ZGRF1: variants seen among roughly 807,000 people sequenced by gnomAD.
ZGRF1 encodes zinc finger GRF-type containing 1, also known as 5'-3' DNA helicase ZGRF1.
In ZGRF1, 196 loss-of-function variants were observed where a neutral mutation model predicts 203.5. That is an observed-to-expected ratio of 0.96 (90% CI 0.86 to 1.08). The LOEUF (loss-of-function observed/expected upper bound fraction) is 1.08. Ranked by LOEUF, ZGRF1 falls within the 50% of genes least tolerant of loss-of-function variation. The pLI is 0.00. For missense variants in ZGRF1, 2,326 were observed against 2,416.3 expected, an observed-to-expected ratio of 0.96 and a Z score of 0.78; for synonymous variants, 809 against 841.3, an observed-to-expected ratio of 0.96 and a Z score of 0.66.
Position 112,620,184 on chromosome 4 carries a change from G to A in ZGRF1, c.169C>T (p.Pro57Ser). The A allele has an allele frequency of 6.3e-7, 1 of 1,594,880 alleles. No homozygotes were observed. Among genetic ancestry groups the A allele is most frequent in the Non-Finnish European group, 8.5e-7 (1 of 1,173,680 alleles). Residue 57 changes from proline to serine, a missense_variant, in exon 5 of 28, where the codon CCT (proline) becomes TCT (serine). Physicochemically the swap from Pro to Ser is moderately conservative, Grantham distance 74. Transcript: ENST00000505019. ...SLFLKCLEVK[P>S]GDDLESDRYL... ...CGATCACTTTCTAAGTCATCTCCAG[G>A]TTTCACCTGAAAGAATAAATGTCAA... is the stretch of plus-strand genomic sequence containing the variant.
At position 112,633,143 on chromosome 4, in the gene ZGRF1, T is replaced by A; in HGVS notation, c.21+13A>T. On this transcript the variant is annotated intron_variant, in intron 2 of 27. Transcript: ENST00000505019. ...GGGAATTTCACCAAACTGTGAAAAA[T>A]GGTAAAACTTACAATAAATTCTTGG... The A allele has an allele frequency of 3.1e-6, 5 of 1,607,530 alleles. No individual in the cohort carries two copies. The highest frequency in any genetic ancestry group is 4.3e-6 in the Non-Finnish European group (5 of 1,174,934).
intron 20 of ZGRF1, among the ~76,000 whole-genome samples, chr4:112,556,837 T>C (rs1232888905): frequency 1.3e-5 from 2 of 152,322 alleles, no homozygotes; most frequent in Admixed American, 1.3e-4. Flanking sequence ...TATTAACTTA[T>C]ATAATTATAA....
intron 24 of ZGRF1, among the ~76,000 whole-genome samples, chr4:112,544,618 CAG>C (rs1288113074): frequency 6.6e-6 from 1 of 152,126 alleles, no homozygotes; most frequent in African/African-American, 2.4e-5. Context: ...ACGGAGAAAA[CAG>C]AGAATACAGA....
At chr4:112,636,496 C>T (rs532723761) in intron 1 of ZGRF1, among the ~76,000 whole-genome samples, 36 of 152,044 alleles carry the variant, frequency 2.4e-4, no homozygotes, top group African/African-American at 7.0e-4. Flanking sequence ...TGTTAACAAA[C>T]CATCCAGTCC....
At chr4:112,603,801 C>A in intron 9 of ZGRF1, 104 bp from the exon 10 acceptor site, 2 of 779,310 alleles carry the variant, frequency 2.6e-6, no homozygotes, top group South Asian at 2.7e-5. Flanking sequence ...CTTTTTATTA[C>A]AGGAACTATT....
In ZGRF1 at chr4:112,584,115, C is replaced by A; in HGVS notation, c.4161G>T (p.Trp1387Cys). Residue 1387 changes from tryptophan (W) to cysteine (C), a missense_variant, in exon 15 of 28, where the codon TGG becomes TGT. Physicochemically the swap from Trp to Cys is radical, Grantham distance 215. Transcript: ENST00000505019. ...PKADRCKFFK[W>C]LEDVTPGYST... ...AATATCCTGGAGTCACGTCCTCAAG[C>A]CATTTAAAGAATTTACATCGATCAG... 6.2e-7 allele frequency: 1 copy of A among 1,613,460 alleles called. No individual in the cohort carries two copies. The highest frequency in any genetic ancestry group is 8.5e-7 in the Non-Finnish European group (1 of 1,179,626).
chr4:112,600,064 G>A (rs1396250931), intron 10 of ZGRF1, among the ~76,000 whole-genome samples: 1 of 151,924 alleles, frequency 6.6e-6, no homozygotes, highest in South Asian at 2.1e-4. Context: ...TTTGATACAG[G>A]ATCTCACTCT....
At position 112,609,401 on chromosome 4, in the gene ZGRF1, C is replaced by T; in HGVS notation, c.2696G>A (p.Ser899Asn). The T allele has an allele frequency of 6.4e-7, 1 of 1,572,278 alleles. No homozygotes were observed. The highest frequency in any genetic ancestry group is 1.1e-5 in the South Asian group (1 of 89,098). Residue 899 changes from serine (S) to asparagine (N), a missense_variant, in exon 8 of 28, where the codon AGT becomes AAT. Transcript: ENST00000505019. ...QILKEDEVELSEPLQSVQFSS... is the reference protein window; with the variant it reads ...QILKEDEVELNEPLQSVQFSS... ...TACCTGCACAGACTGAAGTGGTTCA[C>T]TTAGTTCAACTTCATCTTCTTTTAG...
Position 112,619,529 on chromosome 4 carries a change from AT to A in ZGRF1, c.512del (p.Asn171IlefsTer10). 1.2e-6 allele frequency: 2 copies of A among 1,614,082 alleles called. No individual in the cohort carries two copies. Among genetic ancestry groups the A allele is most frequent in the Non-Finnish European group, 1.7e-6 (2 of 1,179,978 alleles). On this transcript the variant is annotated frameshift_variant, in exon 6 of 28. Coordinates refer to ENST00000505019, the MANE Select transcript of ZGRF1 (RefSeq NM_018392.5). LOFTEE classifies it high-confidence loss of function. ...FPTVGKKDVN[N>X]ILADPENIVT... ...CAATGTTCTCAGGGTCTGCCAGTATATTATTTACATCTTTCTTGCCAACAGT... is the reference window on the plus strand; with the variant it reads ...CAATGTTCTCAGGGTCTGCCAGTATATATTTACATCTTTCTTGCCAACAGT...
At chr4:112,600,959 C>T (rs1057329118) in intron 10 of ZGRF1, among the ~76,000 whole-genome samples, 1 of 152,066 alleles carries the variant, frequency 6.6e-6, no homozygotes, top group Non-Finnish European at 1.5e-5. Flanking sequence ...CTCATACTGT[C>T]TTTTTCTCAA....
chr4:112,554,919 C>CA (rs1356069797), intron 20 of ZGRF1, 137 bp from the exon 21 acceptor site: 22 of 469,712 alleles, frequency 4.7e-5, no homozygotes, highest in Non-Finnish European at 7.0e-5. Context: ...TACCTAAACT[C>CA]AAACAAAGTA....
At position 112,618,504 on chromosome 4, in the gene ZGRF1, A is replaced by C. The variant is rs1344176513; in HGVS notation, c.1538T>G (p.Leu513Arg). 1 of 1,613,064 alleles carries C rather than the reference A, an allele frequency of 6.2e-7. No homozygotes were observed. Residue 513 changes from leucine to arginine, a missense_variant, in exon 6 of 28, where the codon CTT becomes CGT. Physicochemically the swap from Leu to Arg is moderately radical, Grantham distance 102 (BLOSUM62 -2). Coordinates refer to ENST00000505019, the MANE Select transcript of ZGRF1 (RefSeq NM_018392.5). Reference protein sequence around the residue: ...ISESKMDNESLNSIHESLSNV... With the variant: ...ISESKMDNESRNSIHESLSNV... ...ACTCAGAGATTCATGAATACTATTAAGACTTTCATTATCCATTTTACTTTC... is the reference window on the plus strand; with the variant it reads ...ACTCAGAGATTCATGAATACTATTACGACTTTCATTATCCATTTTACTTTC...
chr4:112,566,166 AATG>A (rs1743032113), intron 16 of ZGRF1, among the ~76,000 whole-genome samples: 1 of 152,170 alleles, frequency 6.6e-6, no homozygotes, highest in African/African-American at 2.4e-5. Context: ...AGCCATAAAA[AATG>A]ATGAGTTCAT....
At chr4:112,564,474 A>G (rs190637454) in intron 16 of ZGRF1, among the ~76,000 whole-genome samples, 15 of 152,334 alleles carry the variant, frequency 9.8e-5, no homozygotes, top group African/African-American at 3.6e-4. Flanking sequence ...CTCTGCTGCA[A>G]ATAGGAATGA....
At chr4:112,595,198 T>C (rs1002922907) in intron 10 of ZGRF1, among the ~76,000 whole-genome samples, 2 of 152,156 alleles carry the variant, frequency 1.3e-5, no homozygotes, top group African/African-American at 2.4e-5. Flanking sequence ...AGTTGTGACA[T>C]AGTTGTCATT....
intron 9 of ZGRF1, chr4:112,605,699 G>T: frequency 3.4e-6 from 1 of 298,282 alleles, no homozygotes; most frequent in Non-Finnish European, 6.2e-6. Context: ...TACTCATTTT[G>T]TTCCCCACAG....
chr4:112,623,718 A>G (rs2047137620), intron 4 of ZGRF1, 99 bp downstream of exon 4: 1 of 659,392 alleles, frequency 1.5e-6, no homozygotes, highest in Non-Finnish European at 2.7e-6. Flanking sequence ...AAATACTATT[A>G]GTATTAATAT....
intron 22 of ZGRF1, among the ~76,000 whole-genome samples, chr4:112,550,234 T>C (rs1739677814): frequency 6.6e-6 from 1 of 151,444 alleles, no homozygotes; most frequent in African/African-American, 2.4e-5. Context: ...GGACAAGATG[T>C]AGAGGTGGAA....
At chr4:112,621,871 C>A (rs1317229126) in intron 4 of ZGRF1, among the ~76,000 whole-genome samples, 1 of 151,224 alleles carries the variant, frequency 6.6e-6, no homozygotes, top group Non-Finnish European at 1.5e-5. Flanking sequence ...GGATTGCAGG[C>A]ATGCACCACC....
Sources: allele counts gnomAD v4.1 joint callset (sites outside exome capture counted in the v4.1 genomes callset), GRCh38; gene constraint gnomAD v4.1.1; transcripts MANE v1.5; gene names NCBI Gene and HGNC (gene_info 2026-07-23, HGNC 2026-07-21).